Variants in ADAM32 observed in about 807,000 individuals in gnomAD.
The protein encoded by ADAM32 is ADAM metallopeptidase domain 32.
A neutral mutation model predicts 114.9 loss-of-function variants in ADAM32; 89 were observed. That is an observed-to-expected ratio of 0.77 (90% CI 0.65 to 0.92). The LOEUF is 0.92. Among genes scored for constraint, ADAM32 ranks in the 40% least tolerant of loss-of-function variants. The probability of loss-of-function intolerance (pLI) is 0.00; values close to 1 mark genes in which losing one functional copy is unlikely to be tolerated. For missense variants in ADAM32, 870 were observed against 932.8 expected, an observed-to-expected ratio of 0.93 and a Z score of 0.88; for synonymous variants, 285 against 307.5, an observed-to-expected ratio of 0.93 and a Z score of 0.77.
At chr8:39,118,668 G>T (rs1840474008) in intron 2 of ADAM32, among the ~76,000 whole-genome samples, 2 of 152,152 alleles carry the variant, frequency 1.3e-5, no homozygotes, top group East Asian at 3.9e-4. Context: ...AGGTGTCTTA[G>T]GAGATTTAAA....
intron 11 of ADAM32, among the ~76,000 whole-genome samples, chr8:39,207,117 G>T (rs916380168): frequency 7.2e-5 from 11 of 152,242 alleles, no homozygotes; most frequent in African/African-American, 2.4e-4. Flanking sequence ...GTGAGGATTT[G>T]CTTCTGGATT....
chr8:39,257,942 C>G (rs1811759478), intron 19 of ADAM32, among the ~76,000 whole-genome samples: 1 of 152,104 alleles, frequency 6.6e-6, no homozygotes, highest in African/African-American at 2.4e-5. Context: ...GCAATTCCTT[C>G]TGGTATGATC....
intron 19 of ADAM32, among the ~76,000 whole-genome samples, chr8:39,267,840 C>T (rs58036010): frequency 0.22 from 33,636 of 152,022 alleles, 3,935 homozygotes; most frequent in East Asian, 0.29. Context: ...AGATCAGTTT[C>T]GGCAGGAGTA....
intron 14 of ADAM32, among the ~76,000 whole-genome samples, chr8:39,230,997 A>T (rs1161977963): frequency 1.3e-5 from 2 of 152,180 alleles, no homozygotes; most frequent in Non-Finnish European, 2.9e-5. Context: ...TCTGGTGTAG[A>T]CAAACCTTGG....
chr8:39,118,053 G>A (rs1047937697), intron 1 of ADAM32, 33 bp from the exon 2 acceptor site: 2 of 1,272,706 alleles, frequency 1.6e-6, no homozygotes, highest in Non-Finnish European at 2.1e-6. Context: ...TTAAGGCAAG[G>A]TTACTAACTT....
intron 3 of ADAM32, among the ~76,000 whole-genome samples, chr8:39,138,310 C>T (rs185101470): frequency 3.3e-4 from 50 of 152,226 alleles, no homozygotes; most frequent in Admixed American, 2.8e-3. Flanking sequence ...TCTCCTAAAG[C>T]TATCCCTCCC....
chr8:39,123,057 GT>G (rs1054003528), intron 2 of ADAM32, among the ~76,000 whole-genome samples: 2 of 151,900 alleles, frequency 1.3e-5, no homozygotes, highest in Non-Finnish European at 2.9e-5. Context: ...TATAAGTTCA[GT>G]TTTTTTTGCC....
chr8:39,108,017 C>A, intron 1 of ADAM32, 184 bp downstream of exon 1: 1 of 763,180 alleles, frequency 1.3e-6, no homozygotes, highest in Non-Finnish European at 1.9e-6. Context: ...AGCACCAGGG[C>A]TCACGCCTGT....
intron 11 of ADAM32, among the ~76,000 whole-genome samples, chr8:39,207,858 C>G (rs1807952340): frequency 6.6e-6 from 1 of 152,218 alleles, no homozygotes; most frequent in South Asian, 2.1e-4. Context: ...TTTCACTTAA[C>G]ATAATGTCCT....
At chr8:39,118,512 A>C (rs1245191364) in intron 2 of ADAM32, among the ~76,000 whole-genome samples, 1 of 152,164 alleles carries the variant, frequency 6.6e-6, no homozygotes, top group East Asian at 1.9e-4. Flanking sequence ...CCTGTTTCTC[A>C]ATCTCCACCC....
At chr8:39,178,099 G>A (rs913078288) in intron 10 of ADAM32, among the ~76,000 whole-genome samples, 1 of 152,166 alleles carries the variant, frequency 6.6e-6, no homozygotes, top group African/African-American at 2.4e-5. Context: ...ATGACATCCT[G>A]AAGTATGTTT....
At chr8:39,164,682 C>G in intron 7 of ADAM32, 82 bp from the exon 8 acceptor site, 1 of 1,080,228 alleles carries the variant, frequency 9.3e-7, no homozygotes, top group Non-Finnish European at 1.3e-6. Context: ...CAGCCTTACA[C>G]CTCTGACAGT....
intron 11 of ADAM32, among the ~76,000 whole-genome samples, chr8:39,193,596 T>G (rs1036851935): frequency 2.6e-5 from 4 of 152,200 alleles, no homozygotes; most frequent in Admixed American, 1.3e-4. Flanking sequence ...GTTGTCCGAG[T>G]TCTTCCGCTG....
chr8:39,157,560 A>G (rs1324897565), intron 6 of ADAM32: 1 of 517,268 alleles, frequency 1.9e-6, no homozygotes, highest in Non-Finnish European at 3.8e-6. Context: ...TTCCTTTGCA[A>G]TCTGGTCTTT....
At chr8:39,168,046 A>G (rs1245337123) in intron 9 of ADAM32, 2 of 152,148 alleles carry the variant, frequency 1.3e-5, no homozygotes, top group African/African-American at 4.8e-5. Context: ...TTGAATGCTT[A>G]GATACTAACA....
At chr8:39,173,877 T>G (rs1225018524) in intron 10 of ADAM32, among the ~76,000 whole-genome samples, 1 of 152,156 alleles carries the variant, frequency 6.6e-6, no homozygotes. Context: ...CAGGCTGGAG[T>G]GCAGTGGCAC....
At chr8:39,174,597 G>A (rs932072230) in intron 10 of ADAM32, among the ~76,000 whole-genome samples, 2 of 151,696 alleles carry the variant, frequency 1.3e-5, no homozygotes, top group Non-Finnish European at 2.9e-5. Context: ...CCTTGCTGGT[G>A]CGCTGCACCC....
intron 11 of ADAM32, among the ~76,000 whole-genome samples, chr8:39,189,858 C>T (rs769614711): frequency 2.6e-5 from 4 of 151,826 alleles, no homozygotes; most frequent in African/African-American, 4.8e-5. Flanking sequence ...AGTGCGGTGG[C>T]GCGATCTCGG....
At chr8:39,184,125 C>T (rs1225318540) in intron 10 of ADAM32, among the ~76,000 whole-genome samples, 4 of 152,200 alleles carry the variant, frequency 2.6e-5, no homozygotes, top group Admixed American at 2.6e-4. Flanking sequence ...TGATAATTTA[C>T]AGTCATTATC....
Sources: gnomAD v4.1 joint callset for allele counts (sites outside exome capture counted in the v4.1 genomes callset) on GRCh38, gnomAD v4.1.1 for gene constraint, MANE v1.5 for transcripts, NCBI Gene and HGNC (gene_info 2026-07-23, HGNC 2026-07-21) for gene names.